Variants in PXYLP1 observed in about 807,000 individuals in gnomAD.
PXYLP1 encodes the protein 2-phosphoxylose phosphatase 1.
PXYLP1 carries 17 observed loss-of-function variants against 37.9 expected under a neutral mutation model. That is an observed-to-expected ratio of 0.45 (90% CI 0.31 to 0.67). The LOEUF (loss-of-function observed/expected upper bound fraction) is 0.67, where lower values mean the gene tolerates loss of function less well. PXYLP1 is among the 30% of genes least tolerant of loss of function. PXYLP1 has a pLI of 0.07. For synonymous variants in PXYLP1, 221 were observed against 232.2 expected, an observed-to-expected ratio of 0.95 and a Z score of 0.44; for missense variants, 511 against 612.0, an observed-to-expected ratio of 0.84 and a Z score of 1.74.
chr3:141,287,243 C>T (rs1457016922), intron 4 of PXYLP1, 71 bp from the exon 5 acceptor site: 33 of 1,551,124 alleles, frequency 2.1e-5, no homozygotes, highest in African/African-American at 2.7e-5. Context: ...GGATTTGGCT[C>T]GCTGAAGCTG....
intron 5 of PXYLP1, among the ~76,000 whole-genome samples, chr3:141,290,857 A>C (rs963980740): frequency 6.6e-6 from 1 of 152,170 alleles, no homozygotes; most frequent in African/African-American, 2.4e-5. Flanking sequence ...ATTAAATGGG[A>C]AAGGCCTGGC....
chr3:141,270,475 G>A (rs369330680), intron 2 of PXYLP1, among the ~76,000 whole-genome samples: 32 of 152,332 alleles, frequency 2.1e-4, no homozygotes, highest in African/African-American at 7.5e-4. Flanking sequence ...GTACAGGTTA[G>A]AGACAGGGCG....
chr3:141,272,100 A>T (rs1941677722), intron 2 of PXYLP1, among the ~76,000 whole-genome samples: 1 of 152,184 alleles, frequency 6.6e-6, no homozygotes, highest in African/African-American at 2.4e-5. Flanking sequence ...GCCCTATCCC[A>T]GGGCCTTGGT....
chr3:141,262,260 A>G, intron 2 of PXYLP1: 8 of 990,516 alleles, frequency 8.1e-6, no homozygotes, highest in Non-Finnish European at 8.4e-6. Context: ...AAAGAGGTCA[A>G]AAGAAGGTGG....
At chr3:141,285,438 G>T (rs531783786) in intron 4 of PXYLP1, among the ~76,000 whole-genome samples, 1 of 151,676 alleles carries the variant, frequency 6.6e-6, no homozygotes, top group South Asian at 2.1e-4. Context: ...CACCATGCCC[G>T]GCCTGTTAGC....
chr3:141,252,981 C>T (rs968970375), intron 1 of PXYLP1, among the ~76,000 whole-genome samples: 3 of 152,056 alleles, frequency 2.0e-5, no homozygotes, highest in Non-Finnish European at 4.4e-5. Flanking sequence ...CCAGTATTCC[C>T]CAAGGAGGCC....
chr3:141,232,314 C>T (rs1300710695), intron 1 of PXYLP1: 2 of 152,306 alleles, frequency 1.3e-5, no homozygotes, highest in East Asian at 1.9e-4. Flanking sequence ...CCGCCTCCAC[C>T]TCGCCCCCGC....
chr3:141,261,157 T>C (rs1250867818), intron 2 of PXYLP1, among the ~76,000 whole-genome samples: 1 of 152,186 alleles, frequency 6.6e-6, no homozygotes, highest in Non-Finnish European at 1.5e-5. Flanking sequence ...TTCCCCCGTT[T>C]TTTTCTTGAA....
chr3:141,289,173 G>T (rs1170381416), intron 5 of PXYLP1, among the ~76,000 whole-genome samples: 1 of 151,958 alleles, frequency 6.6e-6, no homozygotes, highest in Non-Finnish European at 1.5e-5. Context: ...TTTTTCTGAA[G>T]TTCTGATCAA....
intron 2 of PXYLP1, chr3:141,273,419 A>G (rs1367347836): frequency 1.4e-5 from 14 of 985,380 alleles, no homozygotes; most frequent in Non-Finnish European, 1.7e-5. Flanking sequence ...CAGAGAGAGG[A>G]TCAGTTTGGC....
At chr3:141,277,271 G>A (rs1050607021) in intron 2 of PXYLP1, among the ~76,000 whole-genome samples, 1 of 152,222 alleles carries the variant, frequency 6.6e-6, no homozygotes, top group African/African-American at 2.4e-5. Flanking sequence ...GTGCGCATGT[G>A]TAGATATTAT....
chr3:141,250,488 C>G (rs1941116573), intron 1 of PXYLP1, among the ~76,000 whole-genome samples: 1 of 152,210 alleles, frequency 6.6e-6, no homozygotes, highest in South Asian at 2.1e-4. Context: ...GAGGTGCATC[C>G]TGATTGGTTC....
intron 1 of PXYLP1, among the ~76,000 whole-genome samples, chr3:141,242,971 GAATT>G (rs1453554129): frequency 1.3e-5 from 2 of 152,206 alleles, no homozygotes; most frequent in Non-Finnish European, 2.9e-5. Flanking sequence ...ATGAATGAAT[GAATT>G]ACTACTTGCA....
At chr3:141,280,010 T>G (rs769026624) in intron 4 of PXYLP1, among the ~76,000 whole-genome samples, 5 of 152,226 alleles carry the variant, frequency 3.3e-5, no homozygotes, top group Non-Finnish European at 7.3e-5. Context: ...CCCTTCTAAT[T>G]TTTCACTGGA....
intron 1 of PXYLP1, among the ~76,000 whole-genome samples, chr3:141,236,924 A>C (rs1280189729): frequency 3.3e-5 from 5 of 152,206 alleles, no homozygotes; most frequent in Non-Finnish European, 7.3e-5. Flanking sequence ...AGTATAGATT[A>C]ATAAGTATAT....
chr3:141,279,308 C>T (rs991251275), intron 3 of PXYLP1, 70 bp from the exon 4 acceptor site: 1 of 1,577,254 alleles, frequency 6.3e-7, no homozygotes, highest in Non-Finnish European at 8.7e-7. Flanking sequence ...CCAGGTCATC[C>T]CCTTGGCCCC....
At chr3:141,264,234 T>A (rs1248435154) in intron 2 of PXYLP1, among the ~76,000 whole-genome samples, 1 of 152,110 alleles carries the variant, frequency 6.6e-6, no homozygotes, top group Non-Finnish European at 1.5e-5. Context: ...GCTGTCAATA[T>A]CTGAAGGGCC....
intron 4 of PXYLP1, among the ~76,000 whole-genome samples, chr3:141,282,485 C>CACAT (rs1553754770): frequency 6.9e-6 from 1 of 145,168 alleles, no homozygotes; most frequent in Non-Finnish European, 1.5e-5. Context: ...CCCAGACAAA[C>CACAT]ACACACACAC....
chr3:141,286,713 C>G (rs1021365494), intron 4 of PXYLP1, among the ~76,000 whole-genome samples: 4 of 152,200 alleles, frequency 2.6e-5, no homozygotes, highest in Non-Finnish European at 4.4e-5. Flanking sequence ...AGGGCAGTGA[C>G]TGGTCAGAGT....
Sources: allele counts gnomAD v4.1 joint callset (sites outside exome capture counted in the v4.1 genomes callset), GRCh38; gene constraint gnomAD v4.1.1; transcripts MANE v1.5; gene names NCBI Gene and HGNC (gene_info 2026-07-23, HGNC 2026-07-21).